RXFP1: variants seen among roughly 807,000 people sequenced by gnomAD.
RXFP1 encodes relaxin family peptide receptor 1, also known as relaxin receptor 1.
RXFP1 carries 73 observed loss-of-function variants against 89.8 expected under a neutral mutation model. The ratio of observed to expected loss-of-function variants is 0.81; its 90% confidence interval spans 0.67 to 0.99. The LOEUF (loss-of-function observed/expected upper bound fraction) is 0.99. Ranked by LOEUF, RXFP1 falls within the 50% of genes least tolerant of loss-of-function variation. The probability of loss-of-function intolerance (pLI) is 0.00; values close to 1 mark genes in which losing one functional copy is unlikely to be tolerated. For missense variants in RXFP1, 793 were observed against 895.5 expected (o/e 0.89, Z 1.46); for synonymous variants, 277 against 305.5 (o/e 0.91, Z 0.97).
intron 1 of RXFP1, among the ~76,000 whole-genome samples, chr4:158,547,971 G>T (rs1748963904): frequency 6.6e-6 from 1 of 152,118 alleles, no homozygotes; most frequent in East Asian, 1.9e-4. Context: ...TAGGTCTGCT[G>T]GGTGCAGAGC....
At chr4:158,606,727 G>C (rs1020850344) in intron 5 of RXFP1, among the ~76,000 whole-genome samples, 4 of 150,908 alleles carry the variant, frequency 2.7e-5, no homozygotes, top group Admixed American at 6.6e-5. Flanking sequence ...AGGACTACAG[G>C]CATGTGCCAC....
intron 2 of RXFP1, among the ~76,000 whole-genome samples, chr4:158,593,166 C>A (rs920359330): frequency 1.3e-5 from 2 of 151,530 alleles, no homozygotes; most frequent in Admixed American, 6.6e-5. Context: ...TGTTTTTAAT[C>A]GAAATAATTA....
At chr4:158,523,804 TC>T (rs1271767332) in intron 1 of RXFP1, among the ~76,000 whole-genome samples, 9 of 152,186 alleles carry the variant, frequency 5.9e-5, no homozygotes, top group Non-Finnish European at 1.2e-4. Context: ...AGTGAGAATT[TC>T]CTGGGCACAT....
intron 14 of RXFP1, among the ~76,000 whole-genome samples, chr4:158,643,911 C>T (rs1308986802): frequency 6.6e-6 from 1 of 151,974 alleles, no homozygotes; most frequent in African/African-American, 2.4e-5. Context: ...ACTTTTTGGT[C>T]TTTTTGATAA....
intron 1 of RXFP1, among the ~76,000 whole-genome samples, chr4:158,546,920 T>C (rs1748596037): frequency 6.6e-6 from 1 of 152,134 alleles, no homozygotes; most frequent in Non-Finnish European, 1.5e-5. Flanking sequence ...CTTTTTTGGT[T>C]GTGTCTCTGC....
intron 17 of RXFP1, among the ~76,000 whole-genome samples, chr4:158,649,987 C>T (rs1277071680): frequency 2.0e-5 from 3 of 152,200 alleles, no homozygotes; most frequent in Non-Finnish European, 4.4e-5. Context: ...AGAAGCAATA[C>T]AAATGTCCAT....
chr4:158,563,345 A>C (rs2149952019), intron 1 of RXFP1, among the ~76,000 whole-genome samples: 1 of 152,332 alleles, frequency 6.6e-6, no homozygotes, highest in South Asian at 2.1e-4. Context: ...TTTAAAAAGA[A>C]GTAGAAGTGA....
intron 9 of RXFP1, among the ~76,000 whole-genome samples, chr4:158,620,447 A>G (rs1023375001): frequency 1.3e-5 from 2 of 152,166 alleles, no homozygotes; most frequent in South Asian, 4.1e-4. Context: ...GCAACAAACC[A>G]GAAATCTAAG....
At chr4:158,576,712 C>CTA (rs1247818558) in intron 2 of RXFP1, among the ~76,000 whole-genome samples, 1 of 151,932 alleles carries the variant, frequency 6.6e-6, no homozygotes, top group Non-Finnish European at 1.5e-5. Flanking sequence ...TTTAGCTCCT[C>CTA]TAGGAAAACC....
At position 158,572,702 on chromosome 4, in the gene RXFP1, T is replaced by C. The variant is rs1186190662; in HGVS notation, c.54T>C (p.Ser18=). The C allele has an allele frequency of 6.2e-7, 1 of 1,614,148 alleles. No individual in the cohort carries two copies. Among genetic ancestry groups the C allele is most frequent in the African/African-American group, 1.3e-5 (1 of 75,060 alleles). ...GTCTTCTCCCCTTTTCCTCAGTTTC[T>C]CATGGGGGTGGACAGGATGTCAAGT... ...FYILIFGKYF[S]HGGGQDVKCS... Residue 18 remains serine, a synonymous_variant, in exon 2 of 18, where the codon TCT becomes TCC. Transcript: ENST00000307765.
chr4:158,628,103 G>A (rs944314255), intron 10 of RXFP1, among the ~76,000 whole-genome samples: 2 of 152,146 alleles, frequency 1.3e-5, no homozygotes, highest in East Asian at 3.8e-4. Flanking sequence ...TGGTCCTCTA[G>A]GCTAGCTGGT....
chr4:158,588,368 G>T (rs1235976150), intron 2 of RXFP1, among the ~76,000 whole-genome samples: 3 of 152,084 alleles, frequency 2.0e-5, no homozygotes, highest in Non-Finnish European at 4.4e-5. Context: ...AACTACTCTA[G>T]GTATATTAGA....
At chr4:158,610,189 T>TG (rs963812093) in intron 6 of RXFP1, among the ~76,000 whole-genome samples, 1 of 151,998 alleles carries the variant, frequency 6.6e-6, no homozygotes, top group African/African-American at 2.4e-5. Flanking sequence ...CGCTTGAACC[T>TG]GGGGGGCGGA....
rs192219487 is a variant in RXFP1 at position 158,610,604 on chromosome 4, T to C, written c.537-1526T>C. ...GTTGCTGAAACCAAAATTGCTATTA[T>C]GGTTCACTGAAAGGAGTGATTATCT... is the stretch of plus-strand genomic sequence containing the variant. On this transcript the variant is annotated intron_variant, in intron 6 of 17. Coordinates refer to ENST00000307765, the MANE Select transcript of RXFP1 (RefSeq NM_021634.4). 5 of 1,094,594 alleles carry C rather than the reference T, an allele frequency of 4.6e-6. No individual in the cohort carries two copies. In the Admixed American group the frequency reaches 9.3e-5, roughly 20 times the overall value. 67.8% of individuals were successfully genotyped at this position (1,094,594 alleles called of 1,614,324 possible).
chr4:158,553,603 T>A (rs557095444), intron 1 of RXFP1, among the ~76,000 whole-genome samples: 1 of 152,296 alleles, frequency 6.6e-6, no homozygotes, highest in Non-Finnish European at 1.5e-5. Flanking sequence ...CCTTCTGGAA[T>A]GTCTTATTAT....
At chr4:158,606,397 A>G (rs938363903) in intron 5 of RXFP1, among the ~76,000 whole-genome samples, 1 of 152,252 alleles carries the variant, frequency 6.6e-6, no homozygotes, top group Non-Finnish European at 1.5e-5. Flanking sequence ...AAATGATCAA[A>G]ATAGCCTAAT....
At chr4:158,635,795 T>TC (rs759451157) in intron 12 of RXFP1, among the ~76,000 whole-genome samples, 9 of 152,126 alleles carry the variant, frequency 5.9e-5, no homozygotes, top group Non-Finnish European at 8.8e-5. Flanking sequence ...GTTCCTTCCA[T>TC]CCCCCATGTA....
rs181109098 is a variant in RXFP1 at position 158,608,179 on chromosome 4, C to T, written c.536+136C>T. ...TGATGCTGAAGGGGCAGTAGAGCAC[C>T]GTGGCTAAGAGCATAGGATTGTGAG... On this transcript the variant is annotated intron_variant, in intron 6 of 17. Transcript: ENST00000307765. The T allele has an allele frequency of 4.1e-3, 2,310 of 559,156 alleles. 11 individuals carry two copies. Among genetic ancestry groups the T allele is most frequent in the Non-Finnish European group, 6.2e-3 (1,963 of 318,996 alleles). 34.6% of individuals were successfully genotyped at this position (559,156 alleles called of 1,614,324 possible).
chr4:158,645,214 T>C (rs1354796880), intron 15 of RXFP1, 76 bp downstream of exon 15: 13 of 1,108,198 alleles, frequency 1.2e-5, no homozygotes, highest in Non-Finnish European at 1.7e-5. Context: ...ATAAGTTGTG[T>C]GAGTGGTAGA....
Sources: allele counts gnomAD v4.1 joint callset (sites outside exome capture counted in the v4.1 genomes callset), GRCh38; gene constraint gnomAD v4.1.1; transcripts MANE v1.5; gene names NCBI Gene and HGNC (gene_info 2026-07-23, HGNC 2026-07-21).